TRAPPC3L: variants seen among roughly 807,000 people sequenced by gnomAD.
TRAPPC3L encodes trafficking protein particle complex subunit 3L, also known as trafficking protein particle complex subunit 3-like protein.
Under a neutral mutation model 23.7 loss-of-function variants are expected in TRAPPC3L, and 23 were observed. The observed-to-expected ratio is 0.97, with a 90% CI of 0.70 to 1.37. The LOEUF (loss-of-function observed/expected upper bound fraction) is 1.37, where lower values mean the gene tolerates loss of function less well. Among genes scored for constraint, TRAPPC3L ranks in the 40% most tolerant of loss-of-function variants. TRAPPC3L has a pLI of 0.00. For missense variants in TRAPPC3L, 212 were observed against 216.8 expected (o/e 0.98, Z 0.14); for synonymous variants, 81 against 77.9 (o/e 1.04, Z -0.21).
At chr6:116,539,583 G>C (rs1484818029) in intron 3 of TRAPPC3L, among the ~76,000 whole-genome samples, 2 of 152,108 alleles carry the variant, frequency 1.3e-5, no homozygotes, top group Non-Finnish European at 2.9e-5. Context: ...GAAAGACAAA[G>C]AGTATGTAAA....
At chr6:116,536,735 T>C (rs895002166) in intron 3 of TRAPPC3L, among the ~76,000 whole-genome samples, 8 of 152,198 alleles carry the variant, frequency 5.3e-5, no homozygotes, top group African/African-American at 1.9e-4. Context: ...GTGTGTGGTC[T>C]GAGAGGGGAG....
chr6:116,502,527 C>CCACAAAGA (rs1209858780), intron 3 of TRAPPC3L, among the ~76,000 whole-genome samples: 2 of 152,108 alleles, frequency 1.3e-5, no homozygotes, highest in Non-Finnish European at 2.9e-5. Flanking sequence ...ACAGAGAACA[C>CCACAAAGA]CACAAAGATA....
At chr6:116,529,407 G>C (rs1387333139) in intron 3 of TRAPPC3L, among the ~76,000 whole-genome samples, 1 of 152,156 alleles carries the variant, frequency 6.6e-6, no homozygotes, top group African/African-American at 2.4e-5. Flanking sequence ...CACAACTGTT[G>C]GCTGTCTAAT....
chr6:116,520,047 T>C (rs1179705275), intron 3 of TRAPPC3L: 1 of 152,240 alleles, frequency 6.6e-6, no homozygotes, highest in Non-Finnish European at 1.5e-5. Context: ...GTAAAATATA[T>C]GTGTCCAAAG....
At chr6:116,531,352 A>C (rs1021671284) in intron 3 of TRAPPC3L, among the ~76,000 whole-genome samples, 1 of 152,166 alleles carries the variant, frequency 6.6e-6, no homozygotes, top group African/African-American at 2.4e-5. Context: ...AAAAACTGTG[A>C]AACACCAGAA....
rs1317492138 is a variant in TRAPPC3L, at chr6:116,496,581, T to C, written c.*373A>G. The C allele has an allele frequency of 2.3e-5, 4 of 173,938 alleles. No individual in the cohort carries two copies. The highest frequency in any genetic ancestry group is 4.8e-5 in the Non-Finnish European group (4 of 83,500). 10.8% of individuals were successfully genotyped at this position (173,938 alleles called of 1,614,324 possible). A position where few individuals can be genotyped will look rare whatever the true frequency, so the allele number is the denominator to read the frequency against. ...GGAAACTCTATGCTATATCATTTCA[T>C]TCTTTTTTTTTCAGCAAAGAGACAA... is the stretch of plus-strand genomic sequence containing the variant. On this transcript the variant is annotated 3_prime_UTR_variant, in exon 5 of 5. Coordinates refer to ENST00000368602, the MANE Select transcript of TRAPPC3L (RefSeq NM_001139444.3).
rs1771837011 is a variant in TRAPPC3L at position 116,496,649 on chromosome 6, C to T, written c.*305G>A. On this transcript the variant is annotated 3_prime_UTR_variant, in exon 5 of 5. Coordinates refer to ENST00000368602, the MANE Select transcript of TRAPPC3L (RefSeq NM_001139444.3). ...TTTGTGCTGCTTTTTTTTCCCATTA[C>T]CATACGTGAATGGAATGAACAGCTT... is the stretch of plus-strand genomic sequence containing the variant. 1 of 236,378 alleles carries T rather than the reference C, an allele frequency of 4.2e-6. No homozygotes were observed. The highest frequency in any genetic ancestry group is 1.1e-4 in the East Asian group (1 of 9,026). 14.6% of individuals were successfully genotyped at this position (236,378 alleles called of 1,614,324 possible). A position where few individuals can be genotyped will look rare whatever the true frequency, so the allele number is the denominator to read the frequency against.
intron 3 of TRAPPC3L, among the ~76,000 whole-genome samples, chr6:116,506,938 C>A (rs1051553204): frequency 1.3e-5 from 2 of 152,102 alleles, no homozygotes; most frequent in Admixed American, 1.3e-4. Context: ...GTGCACCAAA[C>A]CATCATGGCA....
chr6:116,498,498 A>G (rs1286243968), intron 4 of TRAPPC3L, among the ~76,000 whole-genome samples: 1 of 152,364 alleles, frequency 6.6e-6, no homozygotes, highest in Non-Finnish European at 1.5e-5. Flanking sequence ...TAGGTAGCTC[A>G]ATACATGGCA....
intron 3 of TRAPPC3L, chr6:116,524,546 T>C (rs1409968371): frequency 2.6e-5 from 4 of 152,262 alleles, no homozygotes; most frequent in Admixed American, 6.5e-5. Flanking sequence ...CATTGTCTTT[T>C]GTCATTGAAT....
intron 3 of TRAPPC3L, among the ~76,000 whole-genome samples, chr6:116,532,602 AT>A (rs1013917616): frequency 5.9e-5 from 9 of 152,340 alleles, no homozygotes; most frequent in Non-Finnish European, 1.2e-4. Context: ...ATTAAACAAA[AT>A]TTACTAGTAT....
intron 2 of TRAPPC3L, among the ~76,000 whole-genome samples, chr6:116,542,577 C>G (rs1427281441): frequency 6.6e-6 from 1 of 151,952 alleles, no homozygotes. Flanking sequence ...TTAAAAAGCT[C>G]AAAAACCATT....
At chr6:116,540,324 T>C (rs1330131224) in intron 3 of TRAPPC3L, 39 bp downstream of exon 3, 2 of 1,534,158 alleles carry the variant, frequency 1.3e-6, no homozygotes, top group East Asian at 2.4e-5. Flanking sequence ...GAATCAGAGA[T>C]TTTTCAAAAC....
chr6:116,509,691 G>A lies in TRAPPC3L; in HGVS notation c.241-9025C>T, dbSNP rs4394263. On this transcript the variant is annotated intron_variant, in intron 3 of 4. Transcript: ENST00000368602. The stretch of plus-strand genomic sequence containing the variant: ...AAAATAAACTCAAGATGGATCAAAC[G>A]CTTATATCTAAGATGTGAAACCATA... Among the ~76,000 whole-genome samples, 546 of 152,146 alleles carry A rather than the reference G, an allele frequency of 3.6e-3. 13 individuals are homozygous for A. Among genetic ancestry groups the A allele is most frequent in the Non-Finnish European group, 6.5e-4 (44 of 67,976 alleles).
At chr6:116,498,897 G>A (rs1223664022) in intron 4 of TRAPPC3L, among the ~76,000 whole-genome samples, 3 of 151,898 alleles carry the variant, frequency 2.0e-5, no homozygotes, top group Middle Eastern at 3.2e-3. Flanking sequence ...TGCTTCCTAT[G>A]GTTCTGTTAC....
chr6:116,530,214 C>T (rs965843368), intron 3 of TRAPPC3L, among the ~76,000 whole-genome samples: 8 of 151,764 alleles, frequency 5.3e-5, no homozygotes, highest in Admixed American at 3.9e-4. Context: ...AAGGAACAAA[C>T]CACCCCCCCT....
chr6:116,510,248 T>C (rs563574573), intron 3 of TRAPPC3L, among the ~76,000 whole-genome samples: 2 of 152,256 alleles, frequency 1.3e-5, no homozygotes, highest in Admixed American at 1.3e-4. Flanking sequence ...TAGTACAACC[T>C]CTATAAAAAA....
chr6:116,533,948 G>A (rs144729931), intron 3 of TRAPPC3L, among the ~76,000 whole-genome samples: 1 of 152,198 alleles, frequency 6.6e-6, no homozygotes, highest in Non-Finnish European at 1.5e-5. Context: ...TTCCCTGCCG[G>A]CAGTCTGAGT....
Position 116,495,815 on chromosome 6 carries a change from GTCT to G in TRAPPC3L, c.*1136_*1138del, listed in dbSNP as rs1771825672. The G allele has an allele frequency of 6.6e-6, 1 of 152,142 alleles. No homozygotes were observed. Among genetic ancestry groups the G allele is most frequent in the Non-Finnish European group, 1.5e-5 (1 of 68,006 alleles). The allele number at this position is 152,142 out of a possible 1,614,324, so 9.4% of individuals were successfully genotyped here. A position where few individuals can be genotyped will look rare whatever the true frequency, so the allele number is the denominator to read the frequency against. ...ACCTGTTTGCCATTTGTATGTGTAT[GTCT>G]TCTTTTGAGAAATGTCTATTCAGAT... On this transcript the variant is annotated 3_prime_UTR_variant, in exon 5 of 5. Transcript: ENST00000368602.
Sources: allele counts gnomAD v4.1 joint callset (sites outside exome capture counted in the v4.1 genomes callset), GRCh38; gene constraint gnomAD v4.1.1; transcripts MANE v1.5; gene names NCBI Gene and HGNC (gene_info 2026-07-23, HGNC 2026-07-21).